Variants in LTA4H observed in about 807,000 individuals in gnomAD.
LTA4H encodes the protein leukotriene A-4 hydrolase.
Under a neutral mutation model 89.8 loss-of-function variants are expected in LTA4H, and 59 were observed. That is an observed-to-expected ratio of 0.66 (90% CI 0.53 to 0.82). LTA4H has a LOEUF of 0.82. Ranked by LOEUF, LTA4H falls within the 40% of genes least tolerant of loss-of-function variation. The pLI, the probability that LTA4H is intolerant of heterozygous loss-of-function variation, is 0.00. For synonymous variants in LTA4H, 227 were observed against 253.1 expected (o/e 0.90, Z 0.98); for missense variants, 617 against 727.0 (o/e 0.85, Z 1.74).
intron 12 of LTA4H, chr12:96,014,195 A>T: frequency 5.4e-6 from 1 of 183,942 alleles, no homozygotes; most frequent in Non-Finnish European, 1.1e-5. Context: ...GACAGGCAGA[A>T]TGGATCCAGG....
At chr12:96,043,414 A>G in exon 1 of LTA4H, 1 of 1,310,340 alleles carries the variant, frequency 7.6e-7, no homozygotes, top group Non-Finnish European at 1.1e-6. Context: ...GGAGGAGAGA[A>G]AATAAACTCC....
rs545107138 is a variant in LTA4H at position 96,022,659 on chromosome 12, T to A, written c.481-408A>T. Among the ~76,000 whole-genome samples the A allele has an allele frequency of 5.3e-5, 8 of 152,126 alleles. No individual in the cohort carries two copies. Among genetic ancestry groups the A allele is most frequent in the Admixed American group, 1.3e-4 (2 of 15,274 alleles). ...TTAAAATCCCAGCTCTGCCACCTAA[T>A]AACTAACTGCACAAACTTGGGCAAA... is the stretch of plus-strand genomic sequence containing the variant. On this transcript the variant is annotated intron_variant, in intron 4 of 18. Coordinates refer to ENST00000228740, the MANE Select transcript of LTA4H (RefSeq NM_000895.3). The surrounding 1 kb of genome is among the most constrained non-coding windows in gnomAD (Gnocchi z 4.0).
At chr12:96,042,202 C>T (rs1256801257) in intron 1 of LTA4H, among the ~76,000 whole-genome samples, 1 of 151,742 alleles carries the variant, frequency 6.6e-6, no homozygotes, top group Non-Finnish European at 1.5e-5. Flanking sequence ...AGGGTTTTGC[C>T]ATGTTGCCCA....
rs1372136800 is a variant in LTA4H, at chr12:96,015,648, G to T, written c.994C>A (p.Arg332=). 2 of 1,613,736 alleles carry T rather than the reference G, an allele frequency of 1.2e-6. No homozygotes were observed. The highest frequency in any genetic ancestry group is 1.7e-6 in the Non-Finnish European group (2 of 1,179,902). The change falls in exon 11 of 19, where the codon CGA becomes AGA. Residue 332 remains arginine, a synonymous_variant. Transcript: ENST00000228740. ...TGTCTGAACTTTTCACCAAACAATC[G>T]TCCGCAAATGTGGCGTTCCAAGTAC... ...TVYLERHICG[R]LFGEKFRHFN... is the part of the protein sequence containing the mutation.
At chr12:96,037,080 A>G (rs1211150634), upstream of LTA4H, among the ~76,000 whole-genome samples, 1 of 152,242 alleles carries the variant, frequency 6.6e-6, no homozygotes, top group Non-Finnish European at 1.5e-5. Context: ...GGAGATTATA[A>G]TTCAACATGA....
At chr12:96,028,207 G>A (rs981189894) in intron 2 of LTA4H, among the ~76,000 whole-genome samples, 1 of 152,164 alleles carries the variant, frequency 6.6e-6, no homozygotes, top group East Asian at 1.9e-4. Flanking sequence ...TAAGGAAACA[G>A]CAGAGGTTTA....
At chr12:96,029,755 G>A (rs1950553312) in intron 1 of LTA4H, among the ~76,000 whole-genome samples, 1 of 152,144 alleles carries the variant, frequency 6.6e-6, no homozygotes, top group South Asian at 2.1e-4. Flanking sequence ...TGGGCATGAA[G>A]GAGTGACATC....
intron 4 of LTA4H, among the ~76,000 whole-genome samples, chr12:96,023,971 C>T (rs1460935192): frequency 6.6e-6 from 1 of 151,630 alleles, no homozygotes; most frequent in African/African-American, 2.4e-5. Flanking sequence ...GCTCTGTCGC[C>T]CAGGCTGGAG....
rs568778937 is a variant in LTA4H at position 96,019,791 on chromosome 12, AG to A, written c.639-552del. Among the ~76,000 whole-genome samples, 657 of 150,506 alleles carry A rather than the reference AG, an allele frequency of 4.4e-3. 5 individuals carry two copies. Among genetic ancestry groups the A allele is most frequent in the African/African-American group, 0.015 (631 of 40,924 alleles). ...TTTTTTTTGTATTTTTAGTAGAGAC[AG>A]GGTTTCACTGTGTTAGCCAGGATGG... On this transcript the variant is annotated intron_variant, in intron 6 of 18. Transcript: ENST00000228740.
At chr12:96,032,963 A>G (rs1439989437) in intron 1 of LTA4H, among the ~76,000 whole-genome samples, 2 of 152,174 alleles carry the variant, frequency 1.3e-5, no homozygotes, top group African/African-American at 4.8e-5. Flanking sequence ...GGTGGAGGGT[A>G]GGAGAAGGGA....
At chr12:96,035,013 G>C (rs1418470401) in intron 1 of LTA4H, among the ~76,000 whole-genome samples, 2 of 152,262 alleles carry the variant, frequency 1.3e-5, no homozygotes, top group Non-Finnish European at 2.9e-5. Flanking sequence ...CTACTGCAAA[G>C]ATGACACCTA....
chr12:96,043,207 A>T (rs964696550), intron 1 of LTA4H: 1 of 975,566 alleles, frequency 1.0e-6, no homozygotes, highest in African/African-American at 1.6e-5. Flanking sequence ...TGTCGGGTAG[A>T]CCCGGGAGGT....
rs779986524 is a variant in LTA4H at position 96,013,858 on chromosome 12, G to C, written c.1205-5C>G. 1 of 1,258,326 alleles carries C rather than the reference G, an allele frequency of 7.9e-7. No homozygotes were observed. The highest frequency in any genetic ancestry group is 2.3e-5 in the East Asian group (1 of 42,722). The allele number at this position is 1,258,326 out of a possible 1,614,324, so 77.9% of individuals were successfully genotyped here. ...TTAAGAATCCTAGGAAAATCTCTAAGAGTAAAAAAGAAAAGAAATCAATTC... is the reference window on the plus strand; with the variant it reads ...TTAAGAATCCTAGGAAAATCTCTAACAGTAAAAAAGAAAAGAAATCAATTC... On this transcript the variant is annotated splice_polypyrimidine_tract_variant and splice_region_variant and intron_variant, in intron 12 of 18. Coordinates refer to ENST00000228740, the MANE Select transcript of LTA4H (RefSeq NM_000895.3).
intron 3 of LTA4H, among the ~76,000 whole-genome samples, chr12:96,025,739 A>T (rs1164354813): frequency 6.6e-6 from 1 of 151,680 alleles, no homozygotes; most frequent in African/African-American, 2.4e-5. Flanking sequence ...AGGTAAAAGG[A>T]TCGCTTGAGC....
chr12:96,002,909 T>C, intron 18 of LTA4H, 51 bp downstream of exon 18: 1 of 1,204,962 alleles, frequency 8.3e-7, no homozygotes, highest in Non-Finnish European at 1.2e-6. Context: ...TTTGACAGTT[T>C]TCTTCCTGTT....
upstream of LTA4H, among the ~76,000 whole-genome samples, chr12:96,039,301 A>T (rs7966262): frequency 0.26 from 38,855 of 152,056 alleles, 6,170 homozygotes; most frequent in African/African-American, 0.44. Context: ...TGAAAAGATG[A>T]TCTATATAAA....
In LTA4H at chr12:96,013,206, A is replaced by C; in HGVS notation, c.1361T>G (p.Leu454Arg). 1 of 1,613,602 alleles carries C rather than the reference A, an allele frequency of 6.2e-7. No homozygotes were observed. The highest frequency in any genetic ancestry group is 1.7e-5 in the Admixed American group (1 of 60,004). The change falls in exon 14 of 19, where the codon CTG becomes CGG. Residue 454 changes from leucine (L) to arginine (R), a missense_variant. By Grantham distance (102) the Leu-to-Arg change is moderately radical (BLOSUM62 -2). Coordinates refer to ENST00000228740, the MANE Select transcript of LTA4H (RefSeq NM_000895.3). The part of the protein sequence containing the change: ...DWNAWLYSPG[L>R]PPIKPNYDMT... ...TACTTACTTGGGCTTTATGGGAGGCAGTCCAGGAGAGTAGAGCCAGGCATT... is the reference window on the plus strand; with the variant it reads ...TACTTACTTGGGCTTTATGGGAGGCCGTCCAGGAGAGTAGAGCCAGGCATT...
chr12:96,020,147 C>G (rs1177590366), intron 6 of LTA4H, among the ~76,000 whole-genome samples: 1 of 152,166 alleles, frequency 6.6e-6, no homozygotes, highest in Non-Finnish European at 1.5e-5. Context: ...TCAAGCGATC[C>G]TCCCACTTTG....
Position 96,040,595 on chromosome 12 carries a change from T to C in LTA4H, c.87+2694A>G, listed in dbSNP as rs528674619. ...CTGGAATGTAGATAAGATACATTGA[T>C]GGCTAGAGCTCTGACTACCATGTTG... On this transcript the variant is annotated intron_variant, in intron 1 of 17. Transcript: ENST00000413268. Among the ~76,000 whole-genome samples the C allele has an allele frequency of 5.9e-5, 9 of 152,324 alleles. No homozygotes were observed. In the South Asian group the frequency reaches 1.7e-3, roughly 28 times the overall value.
Sources: gnomAD v4.1 joint callset for allele counts (sites outside exome capture counted in the v4.1 genomes callset) on GRCh38, gnomAD v4.1.1 for gene constraint, Gnocchi (gnomAD v3.1) non-coding constraint, MANE v1.5 for transcripts, NCBI Gene and HGNC (gene_info 2026-07-23, HGNC 2026-07-21) for gene names.